The following FAT3 variants were observed in gnomAD, a reference collection of about 807,000 sequenced individuals.
The protein encoded by FAT3 is protocadherin Fat 3.
Under a neutral mutation model 310.2 loss-of-function variants are expected in FAT3, and 95 were observed. That is an observed-to-expected ratio of 0.31 (90% CI 0.26 to 0.36). FAT3 has a LOEUF of 0.36. Ranked by LOEUF, FAT3 falls within the 10% of genes least tolerant of loss-of-function variation. The pLI is 1.00. For missense variants in FAT3, 5,408 were observed against 5,715.6 expected, an observed-to-expected ratio of 0.95 and a Z score of 1.74; for synonymous variants, 2,314 against 2,192.9, an observed-to-expected ratio of 1.06 and a Z score of -1.54.
intron 2 of FAT3, among the ~76,000 whole-genome samples, chr11:92,502,511 C>G (rs1281244724): frequency 6.6e-6 from 1 of 151,994 alleles, no homozygotes; most frequent in Non-Finnish European, 1.5e-5. Flanking sequence ...CCAAAGACAA[C>G]TAGCAATATT....
chr11:92,380,473 A>G (rs1268693048), intron 2 of FAT3, among the ~76,000 whole-genome samples: 3 of 152,150 alleles, frequency 2.0e-5, no homozygotes, highest in African/African-American at 7.2e-5. Flanking sequence ...CCCTCAAAGA[A>G]ACCATGTTGA....
At chr11:92,329,586 C>T (rs562166919) in intron 1 of FAT3, among the ~76,000 whole-genome samples, 2 of 151,120 alleles carry the variant, frequency 1.3e-5, no homozygotes, top group Admixed American at 6.6e-5. Context: ...CTGCTAGTCA[C>T]GTGGAATATG....
At chr11:92,258,495 A>G (rs767305324) in intron 1 of FAT3, among the ~76,000 whole-genome samples, 1 of 152,060 alleles carries the variant, frequency 6.6e-6, no homozygotes, top group Non-Finnish European at 1.5e-5. Flanking sequence ...GGAGCATGAA[A>G]GAAGCCCACA....
At chr11:92,745,940 G>T (rs1309984048) in intron 4 of FAT3, among the ~76,000 whole-genome samples, 1 of 152,186 alleles carries the variant, frequency 6.6e-6, no homozygotes, top group South Asian at 2.1e-4. Flanking sequence ...GGTGGATTAT[G>T]AGCTGACTTT....
intron 2 of FAT3, among the ~76,000 whole-genome samples, chr11:92,475,719 A>G (rs1342720881): frequency 6.6e-6 from 1 of 152,232 alleles, no homozygotes; most frequent in Non-Finnish European, 1.5e-5. Flanking sequence ...ATATTTGAGA[A>G]TATTCCAAAT....
intron 2 of FAT3, among the ~76,000 whole-genome samples, chr11:92,401,220 A>C (rs557481819): frequency 1.2e-4 from 18 of 152,286 alleles, no homozygotes; most frequent in African/African-American, 4.3e-4. Flanking sequence ...TGGGAGATTA[A>C]TAAGCTCCTG....
chr11:92,458,683 G>A (rs1196504021), intron 2 of FAT3, among the ~76,000 whole-genome samples: 2 of 152,098 alleles, frequency 1.3e-5, no homozygotes, highest in Non-Finnish European at 2.9e-5. Flanking sequence ...CTTTTCACTG[G>A]CTTTTCCAAT....
intron 1 of FAT3, among the ~76,000 whole-genome samples, chr11:92,259,948 T>C (rs1591019903): frequency 6.6e-6 from 1 of 152,058 alleles, no homozygotes; most frequent in East Asian, 1.9e-4. Flanking sequence ...TGGAACTGAG[T>C]TTGCCCTCAA....
In FAT3 at chr11:92,788,191, A is replaced by C. The variant is rs568967032; in HGVS notation, c.4336-1752A>C. Among the ~76,000 whole-genome samples the C allele has an allele frequency of 4.6e-5, 7 of 152,348 alleles. No homozygotes were observed. The South Asian group carries it at 1.4e-3, about 32-fold the overall frequency. ...TATCAGAAAGCAAGGAAGCTATCAAAGAATACTAGAGTTATGTCAAAAGAT... is the reference window on the plus strand; with the variant it reads ...TATCAGAAAGCAAGGAAGCTATCAACGAATACTAGAGTTATGTCAAAAGAT... On this transcript the variant is annotated intron_variant, in intron 7 of 27. Coordinates refer to ENST00000525166, the MANE Select transcript of FAT3 (RefSeq NM_001367949.2).
At chr11:92,611,636 C>T (rs526330) in intron 3 of FAT3, among the ~76,000 whole-genome samples, 83,296 of 151,896 alleles carry the variant, frequency 0.55, 23,920 homozygotes, top group African/African-American at 0.72. Context: ...TCAAGAGATC[C>T]GTCTGCTTTA....
In FAT3 at chr11:92,774,112, G is replaced by A. The variant is rs1946531248; in HGVS notation, c.4267G>A (p.Ala1423Thr). The A allele has an allele frequency of 6.2e-7, 1 of 1,613,770 alleles. No individual in the cohort carries two copies. Among genetic ancestry groups the A allele is most frequent in the South Asian group, 1.1e-5 (1 of 91,080 alleles). Residue 1423 changes from alanine to threonine, a missense_variant, in exon 7 of 28, where the codon GCA becomes ACA. Transcript: ENST00000525166. ...AATTGTCATCGCAAAACCTTTGGATGCAGAGCAGAGGTCCATCTATAATAT... is the reference window on the plus strand; with the variant it reads ...AATTGTCATCGCAAAACCTTTGGATACAGAGCAGAGGTCCATCTATAATAT... Reference protein sequence around the residue: ...GTIVIAKPLDAEQRSIYNMSV... With the variant: ...GTIVIAKPLDTEQRSIYNMSV...
intron 1 of FAT3, among the ~76,000 whole-genome samples, chr11:92,273,614 C>G (rs781397044): frequency 2.0e-5 from 3 of 151,934 alleles, no homozygotes; most frequent in Non-Finnish European, 4.4e-5. Context: ...TACAGAGCCT[C>G]TGAGTAAAAT....
intron 13 of FAT3, among the ~76,000 whole-genome samples, chr11:92,829,004 A>G (rs1948170123): frequency 6.6e-6 from 1 of 152,090 alleles, no homozygotes; most frequent in Non-Finnish European, 1.5e-5. Flanking sequence ...TCCAGCCCCT[A>G]CCTCTCCTCA....
intron 24 of FAT3, among the ~76,000 whole-genome samples, chr11:92,885,595 A>C (rs1591856590): frequency 6.6e-6 from 1 of 151,846 alleles, no homozygotes; most frequent in Admixed American, 6.6e-5. Flanking sequence ...CCATAAATAT[A>C]CTCCCTCTCA....
At chr11:92,410,689 T>C (rs1305530101) in intron 2 of FAT3, among the ~76,000 whole-genome samples, 1 of 152,096 alleles carries the variant, frequency 6.6e-6, no homozygotes, top group Non-Finnish European at 1.5e-5. Flanking sequence ...GGAATAATTT[T>C]CCAGATCAGT....
chr11:92,883,329 C>T lies in FAT3; in HGVS notation c.12873C>T (p.Ala4291=), dbSNP rs754156054. ...VVCSVAPNLP[A]VSPCRSDCDS... ...GCAGTGTGGCCCCCAACCTCCCCGCCGTGTCACCCTGCCGCTCCGACTGCG... is the reference window on the plus strand; with the variant it reads ...GCAGTGTGGCCCCCAACCTCCCCGCTGTGTCACCCTGCCGCTCCGACTGCG... The change falls in exon 24 of 28, where the codon GCC becomes GCT. Residue 4291 remains alanine (A), a synonymous_variant. Coordinates refer to ENST00000525166, the MANE Select transcript of FAT3 (RefSeq NM_001367949.2). The surrounding 1 kb of genome is among the most constrained non-coding windows in gnomAD (Gnocchi z 4.2). The T allele has an allele frequency of 6.2e-6, 10 of 1,611,334 alleles. No individual in the cohort carries two copies. Among genetic ancestry groups the T allele is most frequent in the East Asian group, 4.5e-5 (2 of 44,854 alleles).
chr11:92,705,265 A>T (rs1032733161), intron 4 of FAT3, among the ~76,000 whole-genome samples: 2 of 151,716 alleles, frequency 1.3e-5, no homozygotes, highest in African/African-American at 2.4e-5. Flanking sequence ...GGCCATTGAC[A>T]TTCCAAGTCT....
At chr11:92,701,854 G>A (rs1429210190) in intron 4 of FAT3, among the ~76,000 whole-genome samples, 1 of 152,194 alleles carries the variant, frequency 6.6e-6, no homozygotes, top group Non-Finnish European at 1.5e-5. Flanking sequence ...ATAATCACTT[G>A]TATGGATTGT....
intron 2 of FAT3, among the ~76,000 whole-genome samples, chr11:92,453,732 C>T (rs1212390426): frequency 1.3e-5 from 2 of 152,062 alleles, no homozygotes; most frequent in African/African-American, 2.4e-5. Context: ...GCCTACCCAT[C>T]GTTTTTTCCC....
Sources: gnomAD v4.1 joint callset for allele counts (sites outside exome capture counted in the v4.1 genomes callset) on GRCh38, gnomAD v4.1.1 for gene constraint, Gnocchi (gnomAD v3.1) non-coding constraint, MANE v1.5 for transcripts, NCBI Gene and HGNC (gene_info 2026-07-23, HGNC 2026-07-21) for gene names.